Variants in CAPN5 observed in about 807,000 individuals in gnomAD.
CAPN5 encodes calpain 5.
In CAPN5, 54 loss-of-function variants were observed where a neutral mutation model predicts 73.0. That is an observed-to-expected ratio of 0.74 (90% CI 0.59 to 0.93). The LOEUF (loss-of-function observed/expected upper bound fraction) is 0.93. Among genes scored for constraint, CAPN5 ranks in the 40% least tolerant of loss-of-function variants. The pLI, the probability that CAPN5 is intolerant of heterozygous loss-of-function variation, is 0.00. For synonymous variants in CAPN5, 335 were observed against 356.9 expected, an observed-to-expected ratio of 0.94 and a Z score of 0.69; for missense variants, 785 against 882.9, an observed-to-expected ratio of 0.89 and a Z score of 1.41.
At chr11:77,114,922 G>A (rs1950450553) in intron 5 of CAPN5, among the ~76,000 whole-genome samples, 1 of 152,126 alleles carries the variant, frequency 6.6e-6, no homozygotes, top group Non-Finnish European at 1.5e-5. Flanking sequence ...TCCTGGCCGG[G>A]CATGGTGGCA....
rs375702967 is a variant in CAPN5 at position 77,122,052 on chromosome 11, G to A, written c.1603+3G>A. 113 of 1,533,994 alleles carry A rather than the reference G, an allele frequency of 7.4e-5. 1 individual carries two copies. The African/African-American group carries it at 1.4e-3, about 19-fold the overall frequency. ...TGGCCTCAAGGACTCCCCAACAGGT[G>A]AGCTCTCCCAGGGAGAGTCCCCCGG... On this transcript the variant is annotated splice_donor_region_variant and intron_variant, in intron 11 of 12. Transcript: ENST00000648180.
intron 1 of CAPN5, among the ~76,000 whole-genome samples, chr11:77,079,588 A>C (rs1358313568): frequency 6.6e-6 from 1 of 152,216 alleles, no homozygotes; most frequent in Non-Finnish European, 1.5e-5. Context: ...ATACTATTGC[A>C]ATAGACATTC....
chr11:77,071,705 A>G (rs1949908575), intron 1 of CAPN5: 1 of 434,328 alleles, frequency 2.3e-6, no homozygotes, highest in African/African-American at 2.0e-5. Context: ...GATGTTGCCC[A>G]GCCTGACATC....
chr11:77,115,082 A>G (rs1950452254), intron 5 of CAPN5, among the ~76,000 whole-genome samples: 2 of 152,106 alleles, frequency 1.3e-5, no homozygotes. Context: ...ACAAAAAACA[A>G]AACAATGTTC....
intron 2 of CAPN5, 25 bp from the exon 3 acceptor site, chr11:77,093,657 C>CGAG (rs1565264299): frequency 6.4e-7 from 1 of 1,551,792 alleles, no homozygotes; most frequent in Admixed American, 1.9e-5. Context: ...CCGCCCCTCA[C>CGAG]GCTCTCTCCT....
chr11:77,102,952 A>C (rs1555039157), intron 3 of CAPN5: 1 of 1,613,188 alleles, frequency 6.2e-7, no homozygotes, highest in African/African-American at 1.3e-5. Flanking sequence ...CGCGGGGAGA[A>C]GCGCCAGGAT....
intron 10 of CAPN5, among the ~76,000 whole-genome samples, chr11:77,121,194 G>A (rs1282007551): frequency 6.6e-6 from 1 of 152,242 alleles, no homozygotes; most frequent in African/African-American, 2.4e-5. Flanking sequence ...CCTGACTCCC[G>A]CACTTTACCA....
chr11:77,073,219 T>A, intron 1 of CAPN5: 4 of 783,202 alleles, frequency 5.1e-6, no homozygotes, highest in Non-Finnish European at 7.5e-6. Context: ...TGTGGTGAGC[T>A]GCTCACCCGA....
chr11:77,112,879 CAGGGCTTTAGGCACAGAGAAGTG>C (rs1384782623), intron 4 of CAPN5, 82 bp downstream of exon 4: 2 of 1,342,706 alleles, frequency 1.5e-6, no homozygotes, highest in Non-Finnish European at 2.1e-6. Context: ...TTCCGTTAGC[CAGGGCTTTAGGCACAGAGAAGTG>C]AGGGGCTGGT....
chr11:77,084,737 C>A, intron 1 of CAPN5, 115 bp from the exon 2 acceptor site: 1 of 873,148 alleles, frequency 1.1e-6, no homozygotes, highest in Admixed American at 2.0e-5. Flanking sequence ...GGGTAGGCTC[C>A]ACGCCTCGCT....
chr11:77,116,376 G>A, intron 7 of CAPN5, 73 bp downstream of exon 7: 2 of 1,225,840 alleles, frequency 1.6e-6, no homozygotes, highest in Non-Finnish European at 2.4e-6. Flanking sequence ...GCACCAGGTG[G>A]GGAGTCAGGA....
rs377463998 is a variant in CAPN5, at chr11:77,103,033, T to C, written c.297+9220T>C. ...TTCACCCAGCAGCAGCGGCTACAGT[T>C]CGAGCGCTGGAATGTCGTGCTGGAC... is the stretch of plus-strand genomic sequence containing the variant. On this transcript the variant is annotated intron_variant, in intron 3 of 12. Coordinates refer to ENST00000648180, the MANE Select transcript of CAPN5 (RefSeq NM_004055.5). 58 of 1,613,474 alleles carry C rather than the reference T, an allele frequency of 3.6e-5. No individual in the cohort carries two copies. Among genetic ancestry groups the C allele is most frequent in the Non-Finnish European group, 4.8e-5 (57 of 1,179,902 alleles).
intron 3 of CAPN5, among the ~76,000 whole-genome samples, chr11:77,097,334 C>CTATG (rs1398289150): frequency 3.3e-5 from 5 of 152,160 alleles, no homozygotes; most frequent in African/African-American, 4.8e-5. Context: ...GGAGCACCAG[C>CTATG]TATGCCCTGA....
intron 1 of CAPN5, among the ~76,000 whole-genome samples, chr11:77,076,294 G>T (rs1949967953): frequency 6.6e-6 from 1 of 152,216 alleles, no homozygotes; most frequent in South Asian, 2.1e-4. Context: ...GACGGAGGTT[G>T]CTGTGAGCCG....
intron 1 of CAPN5, among the ~76,000 whole-genome samples, chr11:77,075,145 C>T (rs1378668160): frequency 2.6e-5 from 4 of 152,200 alleles, no homozygotes; most frequent in African/African-American, 9.6e-5. Context: ...CACATGGCAT[C>T]CCGGGGCCTC....
intron 2 of CAPN5, 37 bp from the exon 3 acceptor site, chr11:77,093,645 C>G (rs1049609472): frequency 1.3e-6 from 2 of 1,536,882 alleles, no homozygotes; most frequent in African/African-American, 2.7e-5. Context: ...CCGCATGCTC[C>G]TCCGCCCCTC....
At position 77,088,130 on chromosome 11, in the gene CAPN5, G is replaced by T. The variant is rs1043668993; in HGVS notation, c.165+3079G>T. On this transcript the variant is annotated intron_variant, in intron 2 of 12. Coordinates refer to ENST00000648180, the MANE Select transcript of CAPN5 (RefSeq NM_004055.5). ...CCAGCATGCTGTCTCTCCCACATCT[G>T]GGTATGAGCCTGGAGGTCCTTTGGT... 7.0e-5 allele frequency: 102 copies of T among 1,467,358 alleles called. No individual in the cohort carries two copies. In the Middle Eastern group the frequency reaches 1.1e-3, roughly 16 times the overall value. 90.9% of individuals were successfully genotyped at this position (1,467,358 alleles called of 1,614,324 possible).
chr11:77,108,748 A>C lies in CAPN5; in HGVS notation c.298-3841A>C, dbSNP rs797037828. Among the ~76,000 whole-genome samples the C allele has an allele frequency of 9.7e-4, 146 of 150,694 alleles. 1 individual carries two copies. Among genetic ancestry groups the C allele is most frequent in the African/African-American group, 3.3e-3 (134 of 40,938 alleles). ...AAAGATAAGGGCTCAAAAAAAAAAA[A>C]CCATAATACCAACTTATAAAATAAT... On this transcript the variant is annotated intron_variant, in intron 3 of 12. Coordinates refer to ENST00000648180, the MANE Select transcript of CAPN5 (RefSeq NM_004055.5).
At chr11:77,098,590 C>G (rs1334962548) in intron 3 of CAPN5, among the ~76,000 whole-genome samples, 1 of 60,652 alleles carries the variant, frequency 1.6e-5, no homozygotes, top group East Asian at 8.5e-4. Flanking sequence ...GGCGGCTGGC[C>G]GGGCAGAGGG....
Sources: allele counts gnomAD v4.1 joint callset (sites outside exome capture counted in the v4.1 genomes callset), GRCh38; gene constraint gnomAD v4.1.1; transcripts MANE v1.5; gene names NCBI Gene and HGNC (gene_info 2026-07-23, HGNC 2026-07-21).